NCAN: variants seen among roughly 807,000 people sequenced by gnomAD.
NCAN encodes the protein neurocan.
NCAN carries 47 observed loss-of-function variants against 121.8 expected under a neutral mutation model. That is an observed-to-expected ratio of 0.39 (90% CI 0.31 to 0.49). The LOEUF (loss-of-function observed/expected upper bound fraction) is 0.49. Among genes scored for constraint, NCAN ranks in the 20% least tolerant of loss-of-function variants. The pLI is 0.92. For synonymous variants in NCAN, 633 were observed against 702.0 expected, an observed-to-expected ratio of 0.90 and a Z score of 1.55; for missense variants, 1,517 against 1,773.4, an observed-to-expected ratio of 0.86 and a Z score of 2.60.
In NCAN at chr19:19,238,235, T is replaced by C. The variant is rs1346630451; in HGVS notation, c.3251-18T>C. On this transcript the variant is annotated intron_variant, in intron 10 of 14. Transcript: ENST00000252575. ...GGCCAAGGCCAGCCCCCCCTCACGC[T>C]CCTATCCCATCTCCCAGACACCGAG... 6.2e-7 allele frequency: 1 copy of C among 1,613,852 alleles called. No individual in the cohort carries two copies. The highest frequency in any genetic ancestry group is 1.7e-5 in the Admixed American group (1 of 60,010).
Position 19,226,851 on chromosome 19 carries a change from A to G in NCAN, c.1438A>G (p.Arg480Gly). The change falls in exon 7 of 15, where the codon AGG (arginine) becomes GGG (glycine). Residue 480 changes from arginine to glycine, a missense_variant. Physicochemically the swap from Arg to Gly is moderately radical, Grantham distance 125. Transcript: ENST00000252575. ...CCCAACTGACCCTATGCCTAGGAGA[A>G]GGGGGCGCTTCAAAGGGTTGAATGG... ...VAPTDPMPRRRGRFKGLNGRY... is the reference protein window; with the variant it reads ...VAPTDPMPRRGGRFKGLNGRY... 6.2e-7 allele frequency: 1 copy of G among 1,613,114 alleles called. No homozygotes were observed. The highest frequency in any genetic ancestry group is 8.5e-7 in the Non-Finnish European group (1 of 1,179,880).
intron 12 of NCAN, 133 bp from the exon 13 acceptor site, chr19:19,245,180 C>A: frequency 1.8e-6 from 2 of 1,100,236 alleles, no homozygotes; most frequent in South Asian, 3.2e-5. Flanking sequence ...GGACAGTGGC[C>A]ATTGTAGAGA....
rs543436732 is a variant in NCAN at position 19,214,826 on chromosome 19, G to A, written c.-7-2121G>A. The stretch of plus-strand genomic sequence containing the variant: ...TCTCGTAAGGCCCTGCTGGGGGCAG[G>A]TGCAACCCGGAGTCCTGTCTCTCTC... On this transcript the variant is annotated intron_variant, in intron 1 of 14. Coordinates refer to ENST00000252575, the MANE Select transcript of NCAN (RefSeq NM_004386.3). 5.9e-5 allele frequency among the ~76,000 whole-genome samples: 9 copies of A among 152,160 alleles called. No individual in the cohort carries two copies. The South Asian group carries it at 1.9e-3, about 32-fold the overall frequency.
chr19:19,227,613 G>A lies in NCAN; in HGVS notation c.1993G>A (p.Ala665Thr), dbSNP rs747752512. The A allele has an allele frequency of 1.2e-5, 19 of 1,613,708 alleles. No homozygotes were observed. Among genetic ancestry groups the A allele is most frequent in the East Asian group, 6.7e-5 (3 of 44,880 alleles). Residue 665 changes from alanine (A) to threonine (T), a missense_variant, in exon 8 of 15, where the codon GCC (alanine) becomes ACC (threonine). Coordinates refer to ENST00000252575, the MANE Select transcript of NCAN (RefSeq NM_004386.3). This position sits in a 1 kb window ranked among gnomAD's most constrained non-coding sequence, Gnocchi z 4.2. ...AGTTGAGGCACATGGTGAGGCCACCGCCACGGCTCCACCCTCCCCTGCTGC... is the reference window on the plus strand; with the variant it reads ...AGTTGAGGCACATGGTGAGGCCACCACCACGGCTCCACCCTCCCCTGCTGC... ...NRVEAHGEAT[A>T]TAPPSPAAET...
Position 19,227,270 on chromosome 19 carries a change from T to G in NCAN, c.1661-11T>G. 1 of 1,536,680 alleles carries G rather than the reference T, an allele frequency of 6.5e-7. No individual in the cohort carries two copies. Among genetic ancestry groups the G allele is most frequent in the Non-Finnish European group, 8.7e-7 (1 of 1,143,108 alleles). On this transcript the variant is annotated splice_polypyrimidine_tract_variant and intron_variant, in intron 7 of 14. Transcript: ENST00000252575. The surrounding 1 kb of genome is among the most constrained non-coding windows in gnomAD (Gnocchi z 4.2). The stretch of plus-strand genomic sequence containing the variant: ...GAGATCATTGTAATGATTGCCTTGA[T>G]GTTGTTGCAGGTTCTGCTGGTGGCA...
chr19:19,223,998 C>A (rs765155932), intron 3 of NCAN, 23 bp from the exon 4 acceptor site: 2 of 1,498,158 alleles, frequency 1.3e-6, no homozygotes, highest in South Asian at 1.4e-5. Flanking sequence ...AACTGTCCCC[C>A]CATCCTGGAT....
chr19:19,214,001 G>A (rs925188772), intron 1 of NCAN, among the ~76,000 whole-genome samples: 4 of 152,044 alleles, frequency 2.6e-5, no homozygotes, highest in Admixed American at 1.3e-4. Context: ...GCTCCACCCG[G>A]TGCACGGAGC....
At chr19:19,216,561 C>T (rs371994104) in intron 1 of NCAN, among the ~76,000 whole-genome samples, 11 of 152,174 alleles carry the variant, frequency 7.2e-5, no homozygotes, top group Non-Finnish European at 1.5e-4. Context: ...CCACCCTCCT[C>T]GGCCTCCCAA....
chr19:19,249,048 T>C (rs1429932540), intron 14 of NCAN, 166 bp downstream of exon 14: 1 of 297,310 alleles, frequency 3.4e-6, no homozygotes, highest in Non-Finnish European at 5.6e-6. Flanking sequence ...CCTTCATTTG[T>C]GTGTGTGTGT....
At chr19:19,236,471 G>A (rs1283024951) in intron 10 of NCAN, among the ~76,000 whole-genome samples, 1 of 152,112 alleles carries the variant, frequency 6.6e-6, no homozygotes, top group Admixed American at 6.6e-5. Context: ...TAGTGCTGCT[G>A]TGAATATATT....
chr19:19,245,628 C>A (rs1323742813), intron 13 of NCAN, among the ~76,000 whole-genome samples, 171 bp downstream of exon 13: 1 of 152,080 alleles, frequency 6.6e-6, no homozygotes, highest in African/African-American at 2.4e-5. Flanking sequence ...TAGGCATGCA[C>A]CAACATGCCC....
chr19:19,215,767 C>T (rs1433968736), intron 1 of NCAN, among the ~76,000 whole-genome samples: 2 of 152,194 alleles, frequency 1.3e-5, no homozygotes, highest in Non-Finnish European at 2.9e-5. Flanking sequence ...TAGAGGCCAG[C>T]CTGCTGCCTG....
intron 11 of NCAN, chr19:19,238,866 G>T: frequency 4.0e-6 from 1 of 251,770 alleles, no homozygotes; most frequent in South Asian, 4.9e-5. Flanking sequence ...CCTGTAATGT[G>T]TTCAAAGACC....
intron 1 of NCAN, among the ~76,000 whole-genome samples, chr19:19,213,398 C>T (rs776673458): frequency 1.3e-5 from 2 of 150,210 alleles, no homozygotes; most frequent in South Asian, 2.1e-4. Context: ...GGGTGTCCAT[C>T]GGTCACCAAG....
chr19:19,219,581 C>A (rs534215449), intron 3 of NCAN, among the ~76,000 whole-genome samples: 1 of 130,074 alleles, frequency 7.7e-6, no homozygotes, highest in Admixed American at 9.3e-5. Context: ...TGTAGTCCAG[C>A]TACTTGGGAG....
chr19:19,221,871 A>G (rs760678692), intron 3 of NCAN, among the ~76,000 whole-genome samples: 3 of 152,038 alleles, frequency 2.0e-5, no homozygotes, highest in Non-Finnish European at 4.4e-5. Flanking sequence ...AGCCTGGGTG[A>G]CAGAGGGAGA....
Position 19,234,989 on chromosome 19 carries a change from A to C in NCAN, c.3143A>C (p.Asp1048Ala). 1 of 1,609,032 alleles carries C rather than the reference A, an allele frequency of 6.2e-7. No individual in the cohort carries two copies. Among genetic ancestry groups the C allele is most frequent in the South Asian group, 1.1e-5 (1 of 90,622 alleles). The change falls in exon 10 of 15, where the codon GAT (aspartate) becomes GCT (alanine). Residue 1048 changes from aspartate (D) to alanine (A), a missense_variant. Transcript: ENST00000252575. ...FAGENCEIDIDDCLCSPCENG... is the reference protein window; with the variant it reads ...FAGENCEIDIADCLCSPCENG... ...CTCTTCCCCTCTCTGCCAGACATTG[A>C]TGACTGCCTCTGCAGCCCCTGTGAG...
intron 9 of NCAN, among the ~76,000 whole-genome samples, chr19:19,234,624 T>C (rs2060874378): frequency 6.6e-6 from 1 of 152,180 alleles, no homozygotes; most frequent in African/African-American, 2.4e-5. Flanking sequence ...ACAAACAGCT[T>C]TGTGACTCTG....
chr19:19,241,445 A>G (rs1268907439), intron 12 of NCAN, among the ~76,000 whole-genome samples: 2 of 151,964 alleles, frequency 1.3e-5, no homozygotes, highest in Non-Finnish European at 2.9e-5. Context: ...ATATTAGCTC[A>G]GCATCCTCCC....
Sources: gnomAD v4.1 joint callset for allele counts (sites outside exome capture counted in the v4.1 genomes callset) on GRCh38, gnomAD v4.1.1 for gene constraint, Gnocchi (gnomAD v3.1) non-coding constraint, MANE v1.5 for transcripts, NCBI Gene and HGNC (gene_info 2026-07-23, HGNC 2026-07-21) for gene names.